The following TOPBP1 variants were observed in gnomAD, a reference collection of about 807,000 sequenced individuals.
TOPBP1 encodes DNA topoisomerase II binding protein 1.
In TOPBP1, 28 loss-of-function variants were observed where a neutral mutation model predicts 167.7. The ratio of observed to expected loss-of-function variants is 0.17; its 90% CI spans 0.12 to 0.23. TOPBP1 has a LOEUF of 0.23. TOPBP1 is among the 10% of genes least tolerant of loss of function. The pLI is 1.00. For synonymous variants in TOPBP1, 598 were observed against 611.4 expected, an observed-to-expected ratio of 0.98 and a Z score of 0.32; for missense variants, 1,554 against 1,809.6, an observed-to-expected ratio of 0.86 and a Z score of 2.56.
intron 10 of TOPBP1, among the ~76,000 whole-genome samples, chr3:133,648,233 GAA>G (rs1936149375): frequency 6.6e-6 from 1 of 152,148 alleles, no homozygotes; most frequent in Non-Finnish European, 1.5e-5. Context: ...ATACCCAGCC[GAA>G]GAGTCTTAGA....
intron 23 of TOPBP1, among the ~76,000 whole-genome samples, chr3:133,613,942 GCCA>G (rs1185611396): frequency 1.3e-5 from 2 of 151,788 alleles, no homozygotes; most frequent in South Asian, 2.1e-4. Flanking sequence ...ACAGGTGCCC[GCCA>G]CCACACCTGG....
intron 14 of TOPBP1, among the ~76,000 whole-genome samples, chr3:133,634,617 T>G (rs1576300021): frequency 6.6e-6 from 1 of 151,922 alleles, no homozygotes; most frequent in East Asian, 1.9e-4. Flanking sequence ...TGGCATCAGA[T>G]TTTTTTTCAA....
chr3:133,612,782 C>A (rs7651295), intron 23 of TOPBP1, among the ~76,000 whole-genome samples: 2,274 of 152,018 alleles, frequency 0.015, 67 homozygotes, highest in African/African-American at 0.051. Context: ...GTAAAATGAA[C>A]CCCCACACAT....
At chr3:133,618,523 A>C (rs1934972817) in intron 20 of TOPBP1, 90 bp from the exon 21 acceptor site, 1 of 1,171,256 alleles carries the variant, frequency 8.5e-7, no homozygotes, top group Admixed American at 2.0e-5. Flanking sequence ...GTTGTGGCTC[A>C]CCTTTATATG....
intron 16 of TOPBP1, chr3:133,628,026 T>C (rs1350966408): frequency 1.4e-5 from 3 of 209,842 alleles, no homozygotes; most frequent in Admixed American, 1.0e-4. Flanking sequence ...GTATTACTAT[T>C]AATAGACTCT....
Position 133,618,409 on chromosome 3 carries a change from A to G in TOPBP1, c.3396T>C (p.Asp1132=). 1 of 1,613,906 alleles carries G rather than the reference A, an allele frequency of 6.2e-7. No homozygotes were observed. The highest frequency in any genetic ancestry group is 2.2e-5 in the East Asian group (1 of 44,884). ...CATTTTGGGAAGGCTCTGTGTTGAC[A>G]TCAGGTACTGTCTGACGAGACTGCC... ...ALRQSRQTVP[D]VNTEPSQNEQ... is the part of the protein sequence containing the mutation. Residue 1132 remains aspartate, a synonymous_variant, in exon 21 of 28, where the codon GAT becomes GAC. Coordinates refer to ENST00000260810, the MANE Select transcript of TOPBP1 (RefSeq NM_007027.4).
rs3192149 is a variant in TOPBP1, at chr3:133,649,518, T to G, written c.1369A>C (p.Lys457Gln). Residue 457 changes from lysine to glutamine, a missense_variant, in exon 10 of 28, where the codon AAG becomes CAG. By Grantham distance (53) the Lys-to-Gln change is moderately conservative. This residue lies in a region of TOPBP1 where 1,197 missense variants were observed against 1,351.5 expected (regional missense o/e 0.89). Coordinates refer to ENST00000260810, the MANE Select transcript of TOPBP1 (RefSeq NM_007027.4). ...AAAAGAGCTGCTTTACTTTCAGGCT[T>G]ATGTGAAACTGGAATTTCCACTGGC... Reference protein sequence around the residue: ...YQPVEIPVSHKPESKAALLKK... With the variant: ...YQPVEIPVSHQPESKAALLKK... The G allele has an allele frequency of 0.74, 1,200,130 of 1,613,580 alleles. 448,545 individuals carry two copies. Among genetic ancestry groups the G allele is most frequent in the African/African-American group, 0.79 (59,089 of 74,948 alleles).
intron 12 of TOPBP1, among the ~76,000 whole-genome samples, chr3:133,640,559 C>T (rs1220690001): frequency 6.6e-6 from 1 of 152,030 alleles, no homozygotes; most frequent in African/African-American, 2.4e-5. Flanking sequence ...TACAGGTGTA[C>T]ACCACCACAC....
In TOPBP1 at chr3:133,656,752, A is replaced by C. The variant is rs776508968; in HGVS notation, c.469T>G (p.Leu157Val). The change falls in exon 5 of 28, where the codon TTA (leucine) becomes GTA (valine). Residue 157 changes from leucine to valine, a missense_variant. Leu to Val is a conservative substitution (Grantham distance 32). Around this residue, in one of 3 missense-constraint regions of TOPBP1, gnomAD observed 1,197 missense variants for 1,351.5 expected, o/e 0.89. Coordinates refer to ENST00000260810, the MANE Select transcript of TOPBP1 (RefSeq NM_007027.4). ...IAGEVGSKKY[L>V]VAANLKKPIL... ...GGTTTCTTCAGGTTTGCAGCAACTA[A>C]ATATTTTTTGCTACCAACTTCTCCT... 1.9e-6 allele frequency: 3 copies of C among 1,612,768 alleles called. No homozygotes were observed. The highest frequency in any genetic ancestry group is 2.5e-6 in the Non-Finnish European group (3 of 1,179,472).
chr3:133,611,776 T>C (rs2107772892), intron 24 of TOPBP1, among the ~76,000 whole-genome samples: 1 of 152,304 alleles, frequency 6.6e-6, no homozygotes, highest in Non-Finnish European at 1.5e-5. Flanking sequence ...TTTAAGTAAA[T>C]AAATAAATTT....
intron 14 of TOPBP1, among the ~76,000 whole-genome samples, chr3:133,633,422 T>G (rs1642715806): frequency 1.3e-5 from 2 of 152,188 alleles, no homozygotes; most frequent in Admixed American, 1.3e-4. Flanking sequence ...GGCTTTCCTC[T>G]TCTCTTATAG....
At chr3:133,619,524 T>C (rs960694243) in intron 20 of TOPBP1, among the ~76,000 whole-genome samples, 1 of 152,156 alleles carries the variant, frequency 6.6e-6, no homozygotes, top group Admixed American at 6.6e-5. Context: ...CTAGAAACTG[T>C]AATCACCTTT....
intron 22 of TOPBP1, 88 bp from the exon 23 acceptor site, chr3:133,617,013 C>T: frequency 7.9e-7 from 1 of 1,272,734 alleles, no homozygotes; most frequent in Non-Finnish European, 1.1e-6. Flanking sequence ...ACTCAGTCTT[C>T]TAAGTTATGA....
At chr3:133,626,996 G>T (rs1400547060) in intron 16 of TOPBP1, among the ~76,000 whole-genome samples, 1 of 152,122 alleles carries the variant, frequency 6.6e-6, no homozygotes, top group Non-Finnish European at 1.5e-5. Context: ...GGACAGTCTG[G>T]TCCTAGATGA....
intron 10 of TOPBP1, among the ~76,000 whole-genome samples, chr3:133,648,400 C>T (rs542324719): frequency 6.6e-5 from 10 of 152,250 alleles, no homozygotes; most frequent in Non-Finnish European, 1.0e-4. Flanking sequence ...AGCATAATAA[C>T]GCCTAATTGT....
Position 133,640,081 on chromosome 3 carries a change from T to C in TOPBP1, c.2111A>G (p.Lys704Arg). 4 of 1,613,910 alleles carry C rather than the reference T, an allele frequency of 2.5e-6. No homozygotes were observed. The highest frequency in any genetic ancestry group is 3.4e-6 in the Non-Finnish European group (4 of 1,179,854). The change falls in exon 13 of 28, where the codon AAA becomes AGA. Residue 704 changes from lysine to arginine, a missense_variant. Coordinates refer to ENST00000260810, the MANE Select transcript of TOPBP1 (RefSeq NM_007027.4). ...HLILKERGGS[K>R]YEAAKKWNLP... ...ATTCCACTTCTTTGCAGCTTCATAT[T>C]TAGAGCCACCACGTTCTTTCAGTAT... is the stretch of plus-strand genomic sequence containing the variant.
chr3:133,645,994 A>G (rs1404288587), intron 10 of TOPBP1, among the ~76,000 whole-genome samples: 1 of 152,054 alleles, frequency 6.6e-6, no homozygotes, highest in African/African-American at 2.4e-5. Context: ...TAAAAATAGA[A>G]AAATTAGCTG....
chr3:133,649,944 C>T lies in TOPBP1; in HGVS notation c.1090-1G>A. 6.4e-7 allele frequency: 1 copy of T among 1,567,698 alleles called. No homozygotes were observed. The highest frequency in any genetic ancestry group is 8.6e-7 in the Non-Finnish European group (1 of 1,162,980). On this transcript the variant is annotated splice_acceptor_variant, in intron 8 of 27. Transcript: ENST00000260810. LOFTEE classifies it high-confidence loss of function. Reference sequence around the variant, plus strand: ...TGCCACTAAAACCGCAAAGATATATCTGCAAGAAAGAAAATATTTAATATA... The same window carrying T: ...TGCCACTAAAACCGCAAAGATATATTTGCAAGAAAGAAAATATTTAATATA...
chr3:133,623,064 T>G (rs1458060046), intron 19 of TOPBP1, 27 bp downstream of exon 19: 3 of 1,424,348 alleles, frequency 2.1e-6, no homozygotes, highest in Non-Finnish European at 2.8e-6. Context: ...AAAAAAATTT[T>G]TTTAATTAAA....
Sources: gnomAD v4.1 joint callset for allele counts (sites outside exome capture counted in the v4.1 genomes callset) on GRCh38, gnomAD v4.1.1 for gene constraint, gnomAD v4.1.1 regional missense constraint, MANE v1.5 for transcripts, NCBI Gene and HGNC (gene_info 2026-07-23, HGNC 2026-07-21) for gene names.